KCNQ1: variants seen among roughly 807,000 people sequenced by gnomAD.
KCNQ1 encodes potassium voltage-gated channel subfamily KQT member 1.
KCNQ1 carries 49 observed loss-of-function variants against 72.4 expected under a neutral mutation model. That is an observed-to-expected ratio of 0.68 (90% CI 0.54 to 0.86). KCNQ1 has a LOEUF of 0.86. Among genes scored for constraint, KCNQ1 ranks in the 40% least tolerant of loss-of-function variants. The pLI is 0.00. For missense variants in KCNQ1, 790 were observed against 945.1 expected (o/e 0.84, Z 2.15); for synonymous variants, 450 against 412.6 (o/e 1.09, Z -1.10).
At chr11:2,466,094 G>A (rs1846347766) in intron 1 of KCNQ1, among the ~76,000 whole-genome samples, 1 of 152,240 alleles carries the variant, frequency 6.6e-6, no homozygotes, top group African/African-American at 2.4e-5. Context: ...ATCCACCCAG[G>A]GGGCTCAGGG....
At position 2,659,833 on chromosome 11, in the gene KCNQ1, AT is replaced by A. The variant is rs1849918692; in HGVS notation, c.1394-2127del. On this transcript the variant is annotated intron_variant, in intron 10 of 15. Transcript: ENST00000155840. The surrounding 1 kb of genome is among the most constrained non-coding windows in gnomAD (Gnocchi z 4.3). ...GATTCTAATTTGCATTTCCATATTT[AT>A]GTTAATTATGTATCTTTTCATGTGC... is the stretch of plus-strand genomic sequence containing the variant. 5.0e-6 allele frequency: 2 copies of A among 398,028 alleles called. No homozygotes were observed. Among genetic ancestry groups the A allele is most frequent in the African/African-American group, 2.1e-5 (1 of 48,476 alleles). 24.7% of individuals were successfully genotyped at this position (398,028 alleles called of 1,614,324 possible). A position where few individuals can be genotyped will look rare whatever the true frequency, so the allele number is the denominator to read the frequency against.
At chr11:2,610,532 G>A (rs1848962952) in intron 10 of KCNQ1, 2 of 398,012 alleles carry the variant, frequency 5.0e-6, no homozygotes, top group South Asian at 2.6e-4. Flanking sequence ...TTACCTCCTT[G>A]CTCTTTGCTT....
Position 2,509,540 on chromosome 11 carries a change from G to C in KCNQ1, c.387-18388G>C, listed in dbSNP as rs568486862. On this transcript the variant is annotated intron_variant, in intron 1 of 15. Transcript: ENST00000155840. This position sits in a 1 kb window ranked among gnomAD's most constrained non-coding sequence, Gnocchi z 6.3. ...GCAGCCTGCTCAGAGGATGAGCCCA[G>C]CTATTCTGGGAAGCAGGCAGGAAGT... 6.6e-6 allele frequency among the ~76,000 whole-genome samples: 1 copy of C among 152,346 alleles called. No homozygotes were observed. The highest frequency in any genetic ancestry group is 2.1e-4 in the South Asian group (1 of 4,824).
Position 2,627,649 on chromosome 11 carries a change from A to C in KCNQ1, c.1394-34312A>C. 2.5e-6 allele frequency: 1 copy of C among 398,514 alleles called. No homozygotes were observed. 24.7% of individuals were successfully genotyped at this position (398,514 alleles called of 1,614,324 possible). Reference sequence around the variant, plus strand: ...ATGATTTCCTGCTTTTTAAAGGATGAATATTTCATTGTGTGTGTGTATATA... The same window carrying C: ...ATGATTTCCTGCTTTTTAAAGGATGCATATTTCATTGTGTGTGTGTATATA... On this transcript the variant is annotated intron_variant, in intron 10 of 15. Transcript: ENST00000155840. The surrounding 1 kb of genome is among the most constrained non-coding windows in gnomAD (Gnocchi z 4.9).
intron 1 of KCNQ1, among the ~76,000 whole-genome samples, chr11:2,485,054 G>C (rs1378256455): frequency 2.0e-5 from 3 of 152,074 alleles, no homozygotes. Context: ...TCTGTGCACG[G>C]CGCGTCTTGT....
intron 1 of KCNQ1, among the ~76,000 whole-genome samples, chr11:2,469,008 C>T (rs1384374384): frequency 1.3e-5 from 2 of 152,166 alleles, no homozygotes; most frequent in East Asian, 3.9e-4. Flanking sequence ...TCTAAAGCAG[C>T]AATCCCCTTT....
intron 11 of KCNQ1, 92 bp downstream of exon 11, chr11:2,662,173 C>G (rs910620558): frequency 6.4e-7 from 1 of 1,562,522 alleles, no homozygotes; most frequent in Non-Finnish European, 8.8e-7. Context: ...GCTCTCTGGC[C>G]AGAGTGCTAT....
rs757446599 is a variant in KCNQ1, at chr11:2,824,883, G to A, written c.1795-22884G>A. On this transcript the variant is annotated intron_variant, in intron 15 of 15. Transcript: ENST00000155840. The surrounding 1 kb of genome is among the most constrained non-coding windows in gnomAD (Gnocchi z 5.9). ...CGGAGGGTACACTGATCAGGGACACGAGTTCCCCTGCCGGGCACAGAGCAG... is the reference window on the plus strand; with the variant it reads ...CGGAGGGTACACTGATCAGGGACACAAGTTCCCCTGCCGGGCACAGAGCAG... Among the ~76,000 whole-genome samples, 11 of 152,236 alleles carry A rather than the reference G, an allele frequency of 7.2e-5. No individual in the cohort carries two copies. Among genetic ancestry groups the A allele is most frequent in the African/African-American group, 1.7e-4 (7 of 41,454 alleles).
intron 6 of KCNQ1, among the ~76,000 whole-genome samples, chr11:2,581,867 G>A (rs999768101): frequency 1.3e-5 from 2 of 152,326 alleles, no homozygotes; most frequent in East Asian, 1.9e-4. Flanking sequence ...CACATTGTGT[G>A]TGTGGCAGGG....
chr11:2,519,780 C>A (rs1564804529), intron 1 of KCNQ1, among the ~76,000 whole-genome samples: 3 of 102,090 alleles, frequency 2.9e-5, no homozygotes, highest in African/African-American at 9.9e-5. Flanking sequence ...TTGGCCCCCC[C>A]CCACAACATT....
chr11:2,585,250 G>A lies in KCNQ1; in HGVS notation c.1071G>A (p.Gln357=), dbSNP rs758766691. ...LGSGFALKVQ[Q]KQRQKHFNRQ... Reference sequence around the variant, plus strand: ...CGGGGTTTGCCCTGAAGGTGCAGCAGAAGCAGAGGCAGAAGCACTTCAACC... The same window carrying A: ...CGGGGTTTGCCCTGAAGGTGCAGCAAAAGCAGAGGCAGAAGCACTTCAACC... The change falls in exon 8 of 16, where the codon CAG becomes CAA. Residue 357 remains glutamine, a synonymous_variant. Transcript: ENST00000155840. 6.2e-7 allele frequency: 1 copy of A among 1,614,118 alleles called. No homozygotes were observed. Among genetic ancestry groups the A allele is most frequent in the Non-Finnish European group, 8.5e-7 (1 of 1,180,028 alleles).
At position 2,670,097 on chromosome 11, in the gene KCNQ1, T is replaced by A. The variant is rs1850153849; in HGVS notation, c.1514+8016T>A. The A allele has an allele frequency of 1.0e-5, 4 of 398,652 alleles. No homozygotes were observed. The highest frequency in any genetic ancestry group is 1.8e-5 in the Non-Finnish European group (4 of 226,140). 24.7% of individuals were successfully genotyped at this position (398,652 alleles called of 1,614,324 possible). A position where few individuals can be genotyped will look rare whatever the true frequency, so the allele number is the denominator to read the frequency against. ...TTGGAGGCAGAATCAGTGGACTGTG[T>A]CTCATGGCAGTCACAGGTGCCCCAG... On this transcript the variant is annotated intron_variant, in intron 11 of 15. Transcript: ENST00000155840. This position sits in a 1 kb window ranked among gnomAD's most constrained non-coding sequence, Gnocchi z 4.9.
At chr11:2,578,833 G>A (rs907642706) in intron 6 of KCNQ1, among the ~76,000 whole-genome samples, 4 of 152,362 alleles carry the variant, frequency 2.6e-5, no homozygotes, top group African/African-American at 4.8e-5. Context: ...CTCTGCCTTC[G>A]GGGTGGCCAC....
rs1849204537 is a variant in KCNQ1, at chr11:2,623,312, G to A, written c.1393+34458G>A. The A allele has an allele frequency of 2.5e-6, 1 of 398,688 alleles. No individual in the cohort carries two copies. Among genetic ancestry groups the A allele is most frequent in the Non-Finnish European group, 4.4e-6 (1 of 226,090 alleles). 24.7% of individuals were successfully genotyped at this position (398,688 alleles called of 1,614,324 possible). On this transcript the variant is annotated intron_variant, in intron 10 of 15. Coordinates refer to ENST00000155840, the MANE Select transcript of KCNQ1 (RefSeq NM_000218.3). This position sits in a 1 kb window ranked among gnomAD's most constrained non-coding sequence, Gnocchi z 5.2. ...CTCAGGTAGTTCTTTATAGCACTGT[G>A]AGAACGGACTAATATGCATGTATCT... is the stretch of plus-strand genomic sequence containing the variant.
intron 11 of KCNQ1, among the ~76,000 whole-genome samples, chr11:2,719,484 C>G (rs1282032305): frequency 1.3e-5 from 2 of 150,026 alleles, no homozygotes; most frequent in African/African-American, 2.5e-5. Flanking sequence ...CACTCAAAAA[C>G]AAACAAACAA....
intron 1 of KCNQ1, among the ~76,000 whole-genome samples, chr11:2,524,489 T>C (rs1436168983): frequency 6.6e-6 from 1 of 152,200 alleles, no homozygotes; most frequent in Non-Finnish European, 1.5e-5. Context: ...GGGGTCTGTG[T>C]TACTGTCTGC....
rs1846833513 is a variant in KCNQ1, at chr11:2,782,109, AG to A, written c.1794+4073del. Among the ~76,000 whole-genome samples the A allele has an allele frequency of 6.6e-6, 1 of 152,152 alleles. No homozygotes were observed. The highest frequency in any genetic ancestry group is 2.4e-5 in the African/African-American group (1 of 41,408). On this transcript the variant is annotated intron_variant, in intron 15 of 15. Coordinates refer to ENST00000155840, the MANE Select transcript of KCNQ1 (RefSeq NM_000218.3). This position sits in a 1 kb window ranked among gnomAD's most constrained non-coding sequence, Gnocchi z 6.1. ...TGACTCCTCCATCAACCAGGCCACAAGCTGGACCCCAAGGCTTTTTTGTCTT... is the reference window on the plus strand; with the variant it reads ...TGACTCCTCCATCAACCAGGCCACAACTGGACCCCAAGGCTTTTTTGTCTT...
At position 2,506,266 on chromosome 11, in the gene KCNQ1, A is replaced by G. The variant is rs191065470; in HGVS notation, c.387-21662A>G. ...TATCCAGCTTTATTCTTTTGCATGT[A>G]GATACTCAGTTATCCCACCATCATT... On this transcript the variant is annotated intron_variant, in intron 1 of 15. Coordinates refer to ENST00000155840, the MANE Select transcript of KCNQ1 (RefSeq NM_000218.3). Among the ~76,000 whole-genome samples the G allele has an allele frequency of 5.9e-5, 9 of 152,332 alleles. No individual in the cohort carries two copies. The East Asian group carries it at 1.7e-3, about 29-fold the overall frequency.
At chr11:2,499,519 G>GAC (rs1292188995) in intron 1 of KCNQ1, among the ~76,000 whole-genome samples, 19 of 146,072 alleles carry the variant, frequency 1.3e-4, no homozygotes, top group Non-Finnish European at 2.7e-4. Context: ...TGGTTGAATG[G>GAC]ACCCCTGCCC....
Sources: gnomAD v4.1 joint callset for allele counts (sites outside exome capture counted in the v4.1 genomes callset) on GRCh38, gnomAD v4.1.1 for gene constraint, Gnocchi (gnomAD v3.1) non-coding constraint, MANE v1.5 for transcripts, NCBI Gene and HGNC (gene_info 2026-07-23, HGNC 2026-07-21) for gene names.